GAS5: variants seen among roughly 807,000 people sequenced by gnomAD.
GAS5 encodes growth arrest specific 5 (non-protein coding).
rs1654483451 is a variant in GAS5, at chr1:173,865,693, C to T, written n.200-146G>A. On this transcript the variant is annotated intron_variant and non_coding_transcript_variant, in intron 5 of 7. Transcript: ENST00000651080. ...TTGATCAACATCATTACACAAACCC[C>T]GTTCCAAACATGCTCAAGGAAAACA... is the stretch of plus-strand genomic sequence containing the variant. 5 of 519,226 alleles carry T rather than the reference C, an allele frequency of 9.6e-6. No individual in the cohort carries two copies. In the Middle Eastern group the frequency reaches 1.3e-3, roughly 132 times the overall value. 32.2% of individuals were successfully genotyped at this position (519,226 alleles called of 1,614,324 possible).
At chr1:173,864,487 G>A in intron 6 of GAS5, 1 of 506,026 alleles carries the variant, frequency 2.0e-6, no homozygotes, top group Non-Finnish European at 3.9e-6. Flanking sequence ...GACTCACCTA[G>A]TTTAGGATAA....
chr1:173,864,205 A>G (rs1478441872), intron 7 of GAS5: 2 of 518,298 alleles, frequency 3.9e-6, no homozygotes, highest in African/African-American at 3.8e-5. Flanking sequence ...AGTTGGATTG[A>G]GATCATCATG....
chr1:173,865,899 G>C, intron 4 of GAS5: 1 of 518,968 alleles, frequency 1.9e-6, no homozygotes, highest in Non-Finnish European at 3.8e-6. Flanking sequence ...CTCCACCTAA[G>C]AAATAAGAGT....
At chr1:173,868,599 C>G (rs1000247329), upstream of GAS5, among the ~76,000 whole-genome samples, 1 of 152,218 alleles carries the variant, frequency 6.6e-6, no homozygotes, top group Non-Finnish European at 1.5e-5. Context: ...GACCCGCCCC[C>G]TCGCGGGGCC....
At chr1:173,864,065 GAGGCA>G in intron 7 of GAS5, 1 of 446,068 alleles carries the variant, frequency 2.2e-6, no homozygotes, top group Non-Finnish European at 4.6e-6. Context: ...TAGCTTGGGT[GAGGCA>G]AGACCCTGTC....
At chr1:173,864,164 A>G (rs1654194458) in intron 7 of GAS5, 1 of 517,908 alleles carries the variant, frequency 1.9e-6, no homozygotes, top group Non-Finnish European at 3.9e-6. Context: ...CAGATATTTT[A>G]TTGTCATCAA....
upstream of GAS5, chr1:173,867,403 T>C (rs1654918991): frequency 2.9e-6 from 1 of 349,966 alleles, no homozygotes; most frequent in East Asian, 7.0e-5. Flanking sequence ...GTAGTCCCAG[T>C]TACTTGGGAG....
intron 6 of GAS5, chr1:173,865,094 G>C: frequency 2.9e-6 from 1 of 345,242 alleles, no homozygotes; most frequent in East Asian, 7.8e-5. Flanking sequence ...AGCTACTCAA[G>C]AGGCTGAGGC....
chr1:173,864,663 G>C (rs887748838), intron 6 of GAS5: 3 of 405,894 alleles, frequency 7.4e-6, no homozygotes, highest in Non-Finnish European at 1.5e-5. Context: ...TTCCTTCAAA[G>C]TTTAAACTAA....
upstream of GAS5, chr1:173,867,470 C>T (rs1378553674): frequency 8.3e-6 from 3 of 359,958 alleles, no homozygotes; most frequent in East Asian, 2.2e-4. Context: ...CGATGTCGAG[C>T]CACTGCATTC....
chr1:173,865,612 T>C (rs767723393), intron 5 of GAS5: 1 of 519,248 alleles, frequency 1.9e-6, no homozygotes, highest in Non-Finnish European at 3.8e-6. Context: ...CAAAGTTGTC[T>C]GTCACAGGGT....
At position 173,866,482 on chromosome 1, in the gene GAS5, T is replaced by C. The variant is rs995773207; in HGVS notation, n.131+46A>G. 38 of 651,586 alleles carry C rather than the reference T, an allele frequency of 5.8e-5. No individual in the cohort carries two copies. In the Admixed American group the frequency reaches 6.5e-4, roughly 11 times the overall value. 40.4% of individuals were successfully genotyped at this position (651,586 alleles called of 1,614,324 possible). A position where few individuals can be genotyped will look rare whatever the true frequency, so the allele number is the denominator to read the frequency against. ...AGATAATCATCATTGCTTTGGCTAT[T>C]TTCTAATCCCTTAAAAGTGAGAAGT... On this transcript the variant is annotated intron_variant and non_coding_transcript_variant, in intron 3 of 7. Transcript: ENST00000651080.
At chr1:173,867,116 AC>A (rs1056538589), upstream of GAS5, 3 of 609,696 alleles carry the variant, frequency 4.9e-6, no homozygotes, top group African/African-American at 1.9e-5. Context: ...CTTTAAAAAA[AC>A]GGTTCGTCTT....
exon 1 of GAS5, chr1:173,867,009 C>A (rs1464522340): frequency 2.6e-6 from 2 of 764,904 alleles, no homozygotes; most frequent in African/African-American, 3.4e-5. Context: ...AAGGTGCTAT[C>A]CAGAGCCACA....
chr1:173,866,401 G>A (rs1370517945), intron 3 of GAS5: 12 of 554,436 alleles, frequency 2.2e-5, no homozygotes, highest in South Asian at 1.3e-4. Flanking sequence ...ATTAAACTTA[G>A]TATCAATATG....
chr1:173,865,187 T>A, intron 6 of GAS5: 1 of 325,242 alleles, frequency 3.1e-6, no homozygotes, highest in Non-Finnish European at 5.9e-6. Context: ...AGAGCTAGAC[T>A]CTTGTCTAAA....
chr1:173,867,634 C>T (rs781554166), upstream of GAS5: 2 of 518,780 alleles, frequency 3.9e-6, no homozygotes, highest in Non-Finnish European at 7.7e-6. Flanking sequence ...GCTCGGGTCA[C>T]GGCCCTTAAC....
intron 3 of GAS5, chr1:173,866,416 C>A (rs1257902046): frequency 5.3e-6 from 3 of 570,892 alleles, no homozygotes; most frequent in Non-Finnish European, 3.4e-6. Context: ...AATATGAGAG[C>A]AAAATTCTCA....
At chr1:173,864,502 T>C (rs910881976) in intron 6 of GAS5, 2 of 475,518 alleles carry the variant, frequency 4.2e-6, no homozygotes, top group African/African-American at 4.0e-5. Context: ...GGATAACAGG[T>C]CTGCCTGTTT....
Sources: gnomAD v4.1 joint callset for allele counts (sites outside exome capture counted in the v4.1 genomes callset) on GRCh38, gnomAD v4.1.1 for gene constraint, MANE v1.5 for transcripts, NCBI Gene and HGNC (gene_info 2026-07-23, HGNC 2026-07-21) for gene names.